UTRN: variants seen among roughly 807,000 people sequenced by gnomAD.
UTRN encodes dystrophin-related protein 1.
A neutral mutation model predicts 463.9 loss-of-function variants in UTRN; 283 were observed. The ratio of observed to expected loss-of-function variants is 0.61; its 90% CI spans 0.55 to 0.67. The LOEUF is 0.67. Among genes scored for constraint, UTRN ranks in the 30% least tolerant of loss-of-function variants. UTRN has a pLI of 0.00. For missense variants in UTRN, 3,922 were observed against 4,084.3 expected, an observed-to-expected ratio of 0.96 and a Z score of 1.08; for synonymous variants, 1,442 against 1,431.5, an observed-to-expected ratio of 1.01 and a Z score of -0.17.
chr6:144,775,205 G>C (rs1430670576), intron 60 of UTRN, among the ~76,000 whole-genome samples: 1 of 152,090 alleles, frequency 6.6e-6, no homozygotes, highest in Non-Finnish European at 1.5e-5. Flanking sequence ...GATATGTTAA[G>C]GTTGAAAAAT....
intron 51 of UTRN, among the ~76,000 whole-genome samples, chr6:144,610,041 T>G (rs1805311553): frequency 6.7e-6 from 1 of 150,268 alleles, no homozygotes; most frequent in Admixed American, 6.6e-5. Flanking sequence ...AAGAACAAGC[T>G]AATCTGAAAG....
At chr6:144,299,209 A>G (rs1283778311) in intron 2 of UTRN, among the ~76,000 whole-genome samples, 1 of 152,192 alleles carries the variant, frequency 6.6e-6, no homozygotes, top group African/African-American at 2.4e-5. Context: ...CCAGACTCAG[A>G]TATGTGGGGT....
intron 54 of UTRN, among the ~76,000 whole-genome samples, chr6:144,731,314 T>A (rs908461918): frequency 1.3e-5 from 2 of 152,168 alleles, no homozygotes; most frequent in Non-Finnish European, 2.9e-5. Flanking sequence ...TGTAATGAAT[T>A]CTGGGTCCAA....
chr6:144,478,535 G>A (rs1291508996), intron 25 of UTRN, among the ~76,000 whole-genome samples: 1 of 152,154 alleles, frequency 6.6e-6, no homozygotes, highest in Admixed American at 6.5e-5. Flanking sequence ...TCAGCTCCTT[G>A]GTTACCCTGT....
chr6:144,775,551 C>T (rs890267315), intron 60 of UTRN, among the ~76,000 whole-genome samples: 1 of 151,962 alleles, frequency 6.6e-6, no homozygotes, highest in African/African-American at 2.4e-5. Context: ...GTATGTTGAG[C>T]GAAAAGAGAA....
At chr6:144,696,871 G>T (rs937716029) in intron 52 of UTRN, among the ~76,000 whole-genome samples, 3 of 152,104 alleles carry the variant, frequency 2.0e-5, no homozygotes, top group Admixed American at 2.0e-4. Context: ...TCTGTACACT[G>T]GGAGAAGGAA....
intron 57 of UTRN, 82 bp from the exon 58 acceptor site, chr6:144,757,847 A>G (rs1201282219): frequency 5.4e-6 from 7 of 1,299,974 alleles, no homozygotes; most frequent in Admixed American, 4.1e-5. Flanking sequence ...TGAATTTGCT[A>G]TAAAATGTTC....
At chr6:144,687,623 G>A (rs1357755248) in intron 52 of UTRN, among the ~76,000 whole-genome samples, 3 of 151,946 alleles carry the variant, frequency 2.0e-5, no homozygotes, top group East Asian at 1.9e-4. Flanking sequence ...CTTGGCTGAC[G>A]GTTTTTTCTG....
At chr6:144,428,462 G>C (rs549690188) in intron 7 of UTRN, among the ~76,000 whole-genome samples, 1 of 147,228 alleles carries the variant, frequency 6.8e-6, no homozygotes, top group South Asian at 2.1e-4. Flanking sequence ...TTTTGTATCG[G>C]TAGGTTTCCC....
At chr6:144,628,020 C>T (rs143223955) in intron 51 of UTRN, among the ~76,000 whole-genome samples, 3,008 of 152,112 alleles carry the variant, frequency 0.02, 97 homozygotes, top group African/African-American at 0.067. Context: ...AGGCTGGTCT[C>T]GAACTCCTGA....
Position 144,458,782 on chromosome 6 carries a change from C to T in UTRN, c.2297C>T (p.Thr766Ile). 1.9e-6 allele frequency: 3 copies of T among 1,597,686 alleles called. No homozygotes were observed. Among genetic ancestry groups the T allele is most frequent in the Non-Finnish European group, 2.6e-6 (3 of 1,174,890 alleles). The change falls in exon 20 of 75, where the codon ACT becomes ATT. Residue 766 changes from threonine (T) to isoleucine (I), a missense_variant. Around this residue, in one of 3 missense-constraint regions of UTRN, gnomAD observed 2,349 missense variants for 2,303.8 expected, o/e 1.02. Transcript: ENST00000367545. Reference protein sequence around the residue: ...VEQMGKEGLPTEEIKNVLEKV... With the variant: ...VEQMGKEGLPIEEIKNVLEKV... ...CATGTCTGCATAGAAGGCCTTCCTA[C>T]TGAAGAAATAAAAAATGTTCTGGAG...
chr6:144,696,241 C>CT (rs934156534), intron 52 of UTRN, among the ~76,000 whole-genome samples: 1 of 151,504 alleles, frequency 6.6e-6, no homozygotes, highest in Admixed American at 6.6e-5. Flanking sequence ...GAACTGCTCT[C>CT]TTTTTTTTCT....
intron 51 of UTRN, among the ~76,000 whole-genome samples, chr6:144,621,271 C>T (rs1775348448): frequency 6.6e-6 from 1 of 152,050 alleles, no homozygotes. Context: ...GATTATGAAC[C>T]ATTTTAGAGA....
rs9399505 is a variant in UTRN, at chr6:144,821,345, A to G, written c.9494+327A>G. ...AAAGTGTGGCATTATATAGTCTTTC[A>G]TTATTTATTTTCCTTTTTTTCCCCT... On this transcript the variant is annotated intron_variant, in intron 66 of 74. Transcript: ENST00000367545. Among the ~76,000 whole-genome samples the G allele has an allele frequency of 0.13, 19,421 of 151,988 alleles. 1,383 individuals carry two copies. The highest frequency in any genetic ancestry group is 0.23 in the South Asian group (1,098 of 4,822).
chr6:144,770,938 G>A (rs945713956), intron 58 of UTRN, among the ~76,000 whole-genome samples: 3 of 152,308 alleles, frequency 2.0e-5, no homozygotes, highest in Middle Eastern at 3.4e-3. Context: ...AGGTAGAAGA[G>A]GAGGGAGGCT....
At chr6:144,424,877 T>C (rs1785159150) in intron 6 of UTRN, among the ~76,000 whole-genome samples, 1 of 152,204 alleles carries the variant, frequency 6.6e-6, no homozygotes, top group Non-Finnish European at 1.5e-5. Flanking sequence ...AGCATATTGG[T>C]ATAATAATAT....
intron 52 of UTRN, among the ~76,000 whole-genome samples, chr6:144,692,234 A>G (rs1156774762): frequency 6.6e-6 from 1 of 152,166 alleles, no homozygotes; most frequent in East Asian, 1.9e-4. Context: ...GTTCTTTTTC[A>G]TGGCTGCATA....
intron 51 of UTRN, among the ~76,000 whole-genome samples, chr6:144,641,115 A>T (rs185537005): frequency 1.3e-5 from 2 of 152,272 alleles, no homozygotes; most frequent in East Asian, 3.9e-4. Context: ...AGGGTTAAGG[A>T]TGCACCTATG....
intron 3 of UTRN, among the ~76,000 whole-genome samples, chr6:144,415,401 G>A (rs972751572): frequency 6.6e-6 from 1 of 152,050 alleles, no homozygotes; most frequent in East Asian, 1.9e-4. Context: ...AAAATCCAAG[G>A]CCCAATTCTG....
Sources: allele counts gnomAD v4.1 joint callset (sites outside exome capture counted in the v4.1 genomes callset), GRCh38; gene constraint gnomAD v4.1.1; regional missense constraint gnomAD v4.1.1; transcripts MANE v1.5; gene names NCBI Gene and HGNC (gene_info 2026-07-23, HGNC 2026-07-21).